The following METAP1 variants were observed in gnomAD, a reference collection of about 807,000 sequenced individuals.
METAP1 encodes methionine aminopeptidase 1.
METAP1 carries 28 observed loss-of-function variants against 53.8 expected under a neutral mutation model. The observed-to-expected ratio is 0.52, with a 90% CI of 0.39 to 0.71. METAP1 has a LOEUF of 0.71. Ranked by LOEUF, METAP1 falls within the 30% of genes least tolerant of loss-of-function variation. The pLI is 0.00. For synonymous variants in METAP1, 181 were observed against 165.7 expected (o/e 1.09, Z -0.71); for missense variants, 389 against 479.8 (o/e 0.81, Z 1.77).
intron 1 of METAP1, among the ~76,000 whole-genome samples, chr4:99,016,447 A>C (rs565868986): frequency 2.0e-5 from 3 of 152,140 alleles, no homozygotes; most frequent in Non-Finnish European, 2.9e-5. Flanking sequence ...TTCCCATTCT[A>C]TGTCCAGCAC....
intron 1 of METAP1, among the ~76,000 whole-genome samples, chr4:99,014,076 C>G (rs1402939154): frequency 6.6e-6 from 1 of 152,162 alleles, no homozygotes; most frequent in Non-Finnish European, 1.5e-5. Context: ...AGCCTTTGTA[C>G]AAGCCGTCGA....
At chr4:99,032,455 C>A (rs1725112362) in intron 2 of METAP1, among the ~76,000 whole-genome samples, 1 of 152,258 alleles carries the variant, frequency 6.6e-6, no homozygotes, top group African/African-American at 2.4e-5. Context: ...TGGTCTTGAA[C>A]TTCTGAGCTC....
intron 1 of METAP1, 61 bp downstream of exon 1, chr4:98,995,928 T>A (rs1419104924): frequency 1.4e-5 from 18 of 1,326,412 alleles, no homozygotes; most frequent in Admixed American, 1.2e-4. Context: ...GCTTCTCCCC[T>A]GCTGGCTCCT....
At chr4:99,002,677 C>G (rs1326824805) in intron 1 of METAP1, among the ~76,000 whole-genome samples, 1 of 152,158 alleles carries the variant, frequency 6.6e-6, no homozygotes, top group Admixed American at 6.5e-5. Flanking sequence ...TAAATAAGTT[C>G]TCTCCTGTTT....
At chr4:99,057,967 A>G (rs1011438984) in intron 10 of METAP1, 149 bp downstream of exon 10, 1 of 679,182 alleles carries the variant, frequency 1.5e-6, no homozygotes, top group African/African-American at 1.8e-5. Flanking sequence ...ATCGTGAAGA[A>G]CTGAAAATTG....
chr4:98,999,450 T>C (rs1722814957), intron 1 of METAP1, among the ~76,000 whole-genome samples: 1 of 150,872 alleles, frequency 6.6e-6, no homozygotes, highest in Non-Finnish European at 1.5e-5. Flanking sequence ...GTTAGCTCTT[T>C]TTATTGTTAT....
At chr4:99,022,921 TCA>T (rs1724242087) in intron 1 of METAP1, 1 of 1,500,756 alleles carries the variant, frequency 6.7e-7, no homozygotes, top group Non-Finnish European at 9.0e-7. Flanking sequence ...GCATCTGACC[TCA>T]CCATAGGCAC....
At position 99,061,500 on chromosome 4, in the gene METAP1, A is replaced by G; in HGVS notation, c.*183A>G. On this transcript the variant is annotated 3_prime_UTR_variant, in exon 11 of 11. Coordinates refer to ENST00000296411, the MANE Select transcript of METAP1 (RefSeq NM_015143.3). ...CTTGGGTCTGAAAAAGCTGAGAAGA[A>G]TAAAGGAAACATTGCTCAACTCTTC... 1 of 489,152 alleles carries G rather than the reference A, an allele frequency of 2.0e-6. No homozygotes were observed. The highest frequency in any genetic ancestry group is 3.4e-6 in the Non-Finnish European group (1 of 290,618). The allele number at this position is 489,152 out of a possible 1,614,324, so 30.3% of individuals were successfully genotyped here.
At chr4:99,005,797 T>A in intron 1 of METAP1, 1 of 430,032 alleles carries the variant, frequency 2.3e-6, no homozygotes, top group South Asian at 1.7e-5. Context: ...AGGCTGTTAT[T>A]CTAAGTGAAG....
At chr4:98,998,663 G>A (rs780543801) in intron 1 of METAP1, among the ~76,000 whole-genome samples, 1 of 152,142 alleles carries the variant, frequency 6.6e-6, no homozygotes, top group Non-Finnish European at 1.5e-5. Flanking sequence ...GCTTGTCTTT[G>A]GGAACAAACA....
chr4:98,995,912 C>T, intron 1 of METAP1, 45 bp downstream of exon 1: 1 of 1,412,288 alleles, frequency 7.1e-7, no homozygotes, highest in Non-Finnish European at 9.7e-7. Context: ...TGCGGGACCC[C>T]TCCTCGCTTC....
intron 1 of METAP1, chr4:99,026,817 G>A (rs918989900): frequency 1.2e-5 from 12 of 985,240 alleles, no homozygotes; most frequent in African/African-American, 3.5e-5. Context: ...CCATGACTTG[G>A]TTGCCTCATG....
At chr4:99,053,042 C>G (rs1322518438) in intron 9 of METAP1, among the ~76,000 whole-genome samples, 5 of 152,218 alleles carry the variant, frequency 3.3e-5, no homozygotes, top group African/African-American at 1.2e-4. Context: ...GCAATCCACT[C>G]ACATCCTCAG....
intron 8 of METAP1, among the ~76,000 whole-genome samples, chr4:99,046,624 A>G (rs545918250): frequency 2.0e-5 from 3 of 152,264 alleles, no homozygotes; most frequent in Admixed American, 6.5e-5. Flanking sequence ...AGTTATCTCT[A>G]ATAATGTTGA....
At chr4:99,029,891 C>A (rs1473782407) in intron 2 of METAP1, among the ~76,000 whole-genome samples, 18 of 152,104 alleles carry the variant, frequency 1.2e-4, no homozygotes, top group Non-Finnish European at 2.5e-4. Context: ...AAAGCGACAT[C>A]TACATTTAAT....
At chr4:99,025,250 A>G (rs1310399387) in intron 1 of METAP1, 2 of 502,528 alleles carry the variant, frequency 4.0e-6, no homozygotes, top group Non-Finnish European at 5.1e-6. Flanking sequence ...GGAATGAACA[A>G]GTTTGGCCTA....
intron 2 of METAP1, among the ~76,000 whole-genome samples, chr4:99,030,637 A>G (rs1213860926): frequency 6.6e-6 from 1 of 152,162 alleles, no homozygotes; most frequent in Non-Finnish European, 1.5e-5. Flanking sequence ...AGAGACAAGA[A>G]GAGTATTAGG....
intron 8 of METAP1, 36 bp downstream of exon 8, chr4:99,045,346 G>A: frequency 6.2e-7 from 1 of 1,607,986 alleles, no homozygotes; most frequent in Non-Finnish European, 8.5e-7. Context: ...TGGCAGTCCT[G>A]TGTGTTGATG....
intron 1 of METAP1, among the ~76,000 whole-genome samples, chr4:99,014,408 T>C (rs1337691430): frequency 6.6e-6 from 1 of 152,260 alleles, no homozygotes; most frequent in East Asian, 1.9e-4. Context: ...ATTTGGCTAG[T>C]AGATCTTAAT....
Sources: gnomAD v4.1 joint callset for allele counts (sites outside exome capture counted in the v4.1 genomes callset) on GRCh38, gnomAD v4.1.1 for gene constraint, MANE v1.5 for transcripts, NCBI Gene and HGNC (gene_info 2026-07-23, HGNC 2026-07-21) for gene names.